VWA8: variants seen among roughly 807,000 people sequenced by gnomAD.
The protein encoded by VWA8 is von Willebrand factor A domain containing 8.
Under a neutral mutation model 241.5 loss-of-function variants are expected in VWA8, and 221 were observed. The observed-to-expected ratio is 0.91, with a 90% CI of 0.82 to 1.02. VWA8 has a LOEUF of 1.02. Among genes scored for constraint, VWA8 ranks in the 50% least tolerant of loss-of-function variants. VWA8 has a pLI of 0.00. For synonymous variants in VWA8, 852 were observed against 827.1 expected, an observed-to-expected ratio of 1.03 and a Z score of -0.52; for missense variants, 2,322 against 2,328.7, an observed-to-expected ratio of 1.00 and a Z score of 0.06.
At chr13:41,862,434 A>C (rs923746171) in intron 12 of VWA8, among the ~76,000 whole-genome samples, 1 of 152,216 alleles carries the variant, frequency 6.6e-6, no homozygotes, top group African/African-American at 2.4e-5. Flanking sequence ...CAAAACCAAA[A>C]ATTGACAAGT....
chr13:41,863,425 G>GAA (rs1566485389), intron 12 of VWA8, among the ~76,000 whole-genome samples: 2 of 67,246 alleles, frequency 3.0e-5, no homozygotes, highest in South Asian at 6.8e-4. Flanking sequence ...GTGTGTGTGT[G>GAA]TGTGTGTGTA....
chr13:41,570,757 T>C (rs534415181), intron 43 of VWA8, 51 bp from the exon 44 acceptor site: 2 of 1,514,126 alleles, frequency 1.3e-6, no homozygotes, highest in African/African-American at 1.4e-5. Context: ...ACTTCTTTTT[T>C]AACAAATACG....
chr13:41,848,809 C>T (rs946315876), intron 12 of VWA8, among the ~76,000 whole-genome samples: 1 of 152,218 alleles, frequency 6.6e-6, no homozygotes, highest in Non-Finnish European at 1.5e-5. Context: ...TATCATTCCT[C>T]TCCTGCAGGG....
chr13:41,951,025 C>T (rs566622058), intron 1 of VWA8, among the ~76,000 whole-genome samples: 6 of 152,104 alleles, frequency 3.9e-5, no homozygotes, highest in Non-Finnish European at 8.8e-5. Context: ...TTTGTACACC[C>T]GTATTTTTAC....
At chr13:41,712,762 T>C (rs542806664) in intron 26 of VWA8, among the ~76,000 whole-genome samples, 1 of 152,208 alleles carries the variant, frequency 6.6e-6, no homozygotes, top group African/African-American at 2.4e-5. Context: ...TTTTAATCTG[T>C]AAAACAGATT....
At chr13:41,721,300 C>G in intron 25 of VWA8, 70 bp downstream of exon 25, 1 of 1,505,110 alleles carries the variant, frequency 6.6e-7, no homozygotes, top group Non-Finnish European at 9.1e-7. Flanking sequence ...AACTCTGGTA[C>G]AAACTGTACA....
Position 41,701,382 on chromosome 13 carries a change from G to T in VWA8, c.3364+10C>A. The T allele has an allele frequency of 1.3e-6, 2 of 1,581,186 alleles. No individual in the cohort carries two copies. The highest frequency in any genetic ancestry group is 8.6e-7 in the Non-Finnish European group (1 of 1,167,738). ...CAGGAAGGAAAGATCAAAAGAATAA[G>T]CAGACATACCATGTGATGTAGCAAT... On this transcript the variant is annotated intron_variant, in intron 28 of 44. Coordinates refer to ENST00000379310, the MANE Select transcript of VWA8 (RefSeq NM_015058.2).
chr13:41,866,519 T>C (rs936883242), intron 10 of VWA8, among the ~76,000 whole-genome samples: 4 of 152,166 alleles, frequency 2.6e-5, no homozygotes, highest in African/African-American at 9.6e-5. Context: ...TTTAATTCTT[T>C]ACTGTTTTTG....
At chr13:41,663,033 T>C (rs1239048300) in intron 37 of VWA8, among the ~76,000 whole-genome samples, 2 of 152,192 alleles carry the variant, frequency 1.3e-5, no homozygotes, top group African/African-American at 4.8e-5. Context: ...ATTCTGGTCT[T>C]CTTCCTCAAT....
intron 37 of VWA8, among the ~76,000 whole-genome samples, chr13:41,661,187 A>G (rs946112980): frequency 6.6e-6 from 1 of 152,166 alleles, no homozygotes; most frequent in Non-Finnish European, 1.5e-5. Context: ...TCTGTTATCA[A>G]TTAAAGAGCA....
intron 37 of VWA8, among the ~76,000 whole-genome samples, chr13:41,641,288 C>A (rs185336492): frequency 1.3e-5 from 2 of 151,748 alleles, no homozygotes; most frequent in African/African-American, 4.8e-5. Flanking sequence ...ACAACTAGAG[C>A]GAGAATTGCG....
At chr13:41,919,222 A>G (rs1209908428) in intron 2 of VWA8, among the ~76,000 whole-genome samples, 1 of 152,170 alleles carries the variant, frequency 6.6e-6, no homozygotes, top group African/African-American at 2.4e-5. Flanking sequence ...CTCAGCCCCT[A>G]TTTGGGGATC....
At chr13:41,786,852 T>C (rs1869213022) in intron 18 of VWA8, among the ~76,000 whole-genome samples, 1 of 151,970 alleles carries the variant, frequency 6.6e-6, no homozygotes, top group Non-Finnish European at 1.5e-5. Flanking sequence ...TGTGTTCTAA[T>C]TGAAGAATAG....
At chr13:41,878,547 T>G (rs1360048616) in intron 9 of VWA8, among the ~76,000 whole-genome samples, 1 of 152,126 alleles carries the variant, frequency 6.6e-6, no homozygotes, top group African/African-American at 2.4e-5. Flanking sequence ...CAAATGAACT[T>G]AAGCCCTCCC....
chr13:41,840,577 G>A (rs1055581649), intron 12 of VWA8, among the ~76,000 whole-genome samples: 2 of 151,862 alleles, frequency 1.3e-5, no homozygotes, highest in South Asian at 2.1e-4. Context: ...GGGCAACAAG[G>A]CAAAACCCCA....
rs201079950 is a variant in VWA8, at chr13:41,849,886, C to CAA, written c.1425+15848_1425+15849dup. Among the ~76,000 whole-genome samples, 8 of 130,918 alleles carry CAA rather than the reference C, an allele frequency of 6.1e-5. No homozygotes were observed. In the East Asian group the frequency reaches 1.5e-3, roughly 25 times the overall value. 85.9% of individuals were successfully genotyped at this position (130,918 alleles called of 152,430 possible). A position where few individuals can be genotyped will look rare whatever the true frequency, so the allele number is the denominator to read the frequency against. On this transcript the variant is annotated intron_variant, in intron 12 of 44. Coordinates refer to ENST00000379310, the MANE Select transcript of VWA8 (RefSeq NM_015058.2). ...TGGGTGACAGAGTGAGACTCTGTCT[C>CAA]AAAAAAAAAAAAGAAAAGAAAAAGA...
At chr13:41,744,512 T>C (rs1201494519) in intron 21 of VWA8, among the ~76,000 whole-genome samples, 3 of 152,214 alleles carry the variant, frequency 2.0e-5, no homozygotes, top group East Asian at 1.9e-4. Context: ...ATCCCATCCC[T>C]TTCTGCTCAT....
intron 43 of VWA8, among the ~76,000 whole-genome samples, chr13:41,573,506 T>TATATATATATATATATATAC (rs1439940851): frequency 7.1e-6 from 1 of 141,646 alleles, no homozygotes; most frequent in East Asian, 2.0e-4. Context: ...TATATATATA[T>TATATATATATATATATATAC]ACCTCTCTCT....
chr13:41,595,444 T>C (rs921234694), intron 40 of VWA8, among the ~76,000 whole-genome samples: 4 of 152,184 alleles, frequency 2.6e-5, no homozygotes, highest in Admixed American at 1.3e-4. Context: ...ATCTTAAGAA[T>C]GTACTTTTAC....
Sources: allele counts gnomAD v4.1 joint callset (sites outside exome capture counted in the v4.1 genomes callset), GRCh38; gene constraint gnomAD v4.1.1; transcripts MANE v1.5; gene names NCBI Gene and HGNC (gene_info 2026-07-23, HGNC 2026-07-21).